Variants in RGS17 observed in about 807,000 individuals in gnomAD.
RGS17 encodes regulator of G-protein signaling 17.
Under a neutral mutation model 25.5 loss-of-function variants are expected in RGS17, and 12 were observed. The ratio of observed to expected loss-of-function variants is 0.47; its 90% CI spans 0.30 to 0.76. The LOEUF is 0.76. RGS17 is among the 30% of genes least tolerant of loss of function. The pLI is 0.07. For synonymous variants in RGS17, 71 were observed against 76.9 expected (o/e 0.92, Z 0.40); for missense variants, 196 against 242.2 (o/e 0.81, Z 1.27).
At chr6:153,079,900 T>C (rs1322060521) in intron 1 of RGS17, among the ~76,000 whole-genome samples, 1 of 152,204 alleles carries the variant, frequency 6.6e-6, no homozygotes, top group Non-Finnish European at 1.5e-5. Flanking sequence ...TAACCAGTTA[T>C]TTGGACCTTA....
At chr6:153,018,909 C>A (rs1487759067) in intron 4 of RGS17, among the ~76,000 whole-genome samples, 1 of 152,182 alleles carries the variant, frequency 6.6e-6, no homozygotes, top group Non-Finnish European at 1.5e-5. Flanking sequence ...GTGCTAAATT[C>A]ACATAATTTC....
At chr6:153,021,297 T>A (rs1328567983) in intron 4 of RGS17, among the ~76,000 whole-genome samples, 2 of 152,180 alleles carry the variant, frequency 1.3e-5, no homozygotes, top group Non-Finnish European at 2.9e-5. Context: ...ATGTGCTCTC[T>A]CCAATGTTAG....
At chr6:153,082,560 A>G (rs1449847174) in intron 1 of RGS17, among the ~76,000 whole-genome samples, 2 of 151,800 alleles carry the variant, frequency 1.3e-5, no homozygotes. Flanking sequence ...TATATCTGCC[A>G]TTTTCCTTCT....
chr6:153,029,729 T>TTTA, intron 2 of RGS17, among the ~76,000 whole-genome samples: 1 of 152,144 alleles, frequency 6.6e-6, no homozygotes, highest in Non-Finnish European at 1.5e-5. Flanking sequence ...TAGCTGGGAT[T>TTTA]ACAGGCACCC....
Position 153,053,331 on chromosome 6 carries a change from A to G in RGS17, c.-25-9288T>C, listed in dbSNP as rs562402768. On this transcript the variant is annotated intron_variant, in intron 1 of 4. Transcript: ENST00000206262. ...AAGCATACAAAACAAACAATAATACATATCTTTTCTGGAGAATATGTGTAA... is the reference window on the plus strand; with the variant it reads ...AAGCATACAAAACAAACAATAATACGTATCTTTTCTGGAGAATATGTGTAA... 3.9e-5 allele frequency among the ~76,000 whole-genome samples: 6 copies of G among 152,308 alleles called. No individual in the cohort carries two copies. In the East Asian group the frequency reaches 1.2e-3, roughly 29 times the overall value.
At chr6:153,053,933 ATG>A (rs1422891330) in intron 1 of RGS17, among the ~76,000 whole-genome samples, 1 of 61,484 alleles carries the variant, frequency 1.6e-5, no homozygotes, top group Non-Finnish European at 2.6e-5. Context: ...ATGTATATAT[ATG>A]TATATATAAT....
chr6:153,123,491 T>G (rs1191090391), intron 1 of RGS17, among the ~76,000 whole-genome samples: 1 of 152,210 alleles, frequency 6.6e-6, no homozygotes, highest in East Asian at 1.9e-4. Flanking sequence ...GTCTTCACTC[T>G]GATCTTATAA....
intron 1 of RGS17, among the ~76,000 whole-genome samples, chr6:153,113,807 A>G (rs189137254): frequency 1.9e-3 from 297 of 152,330 alleles, no homozygotes; most frequent in Middle Eastern, 0.014. Flanking sequence ...ATGGAAACTG[A>G]ACAACCTGCT....
chr6:153,086,420 C>G (rs144753362), intron 1 of RGS17, among the ~76,000 whole-genome samples: 40 of 152,242 alleles, frequency 2.6e-4, no homozygotes, highest in Non-Finnish European at 4.0e-4. Context: ...GTAAGTTATG[C>G]TGAAAAGAAA....
chr6:153,088,716 G>A (rs182376916), intron 1 of RGS17, among the ~76,000 whole-genome samples: 61 of 152,048 alleles, frequency 4.0e-4, no homozygotes, highest in Admixed American at 2.0e-3. Flanking sequence ...TTCCTTATTT[G>A]CCCAAGTGCA....
At chr6:153,036,559 G>A (rs1239609205) in intron 2 of RGS17, among the ~76,000 whole-genome samples, 3 of 152,028 alleles carry the variant, frequency 2.0e-5, no homozygotes, top group Admixed American at 6.6e-5. Flanking sequence ...TTTCATCCAC[G>A]CTTGTCTTGC....
intron 2 of RGS17, among the ~76,000 whole-genome samples, chr6:153,038,084 A>G (rs1023659909): frequency 6.6e-6 from 1 of 152,170 alleles, no homozygotes; most frequent in Non-Finnish European, 1.5e-5. Flanking sequence ...TGCCATGTAG[A>G]GTGAGTCAGC....
At chr6:153,091,571 G>A (rs1419287838) in intron 1 of RGS17, among the ~76,000 whole-genome samples, 1 of 151,584 alleles carries the variant, frequency 6.6e-6, no homozygotes, top group Non-Finnish European at 1.5e-5. Flanking sequence ...ATTGCACACA[G>A]GTGCAATCTT....
intron 1 of RGS17, among the ~76,000 whole-genome samples, chr6:153,060,340 G>A (rs957690289): frequency 3.3e-5 from 5 of 152,078 alleles, no homozygotes; most frequent in Non-Finnish European, 7.4e-5. Context: ...CACTGGACTC[G>A]GACATCCTAA....
chr6:153,095,112 A>C (rs1302757344), intron 1 of RGS17, among the ~76,000 whole-genome samples: 2 of 152,122 alleles, frequency 1.3e-5, no homozygotes, highest in African/African-American at 2.4e-5. Flanking sequence ...TTAAGAAAAT[A>C]ATTTGGGAAA....
chr6:153,014,590 A>G (rs1209580557), intron 4 of RGS17, among the ~76,000 whole-genome samples: 1 of 152,112 alleles, frequency 6.6e-6, no homozygotes, highest in Non-Finnish European at 1.5e-5. Flanking sequence ...CGAGGTTAGG[A>G]GATCGAGACC....
intron 1 of RGS17, among the ~76,000 whole-genome samples, chr6:153,089,680 C>T (rs925607802): frequency 6.2e-4 from 94 of 152,072 alleles, no homozygotes; most frequent in African/African-American, 2.2e-3. Flanking sequence ...TTTTTCTCTG[C>T]TATCACTGCA....
rs542820543 is a variant in RGS17 at position 153,042,241 on chromosome 6, A to T, written c.119+1659T>A. On this transcript the variant is annotated intron_variant, in intron 2 of 4. Coordinates refer to ENST00000206262, the MANE Select transcript of RGS17 (RefSeq NM_012419.5). ...CATCTTAAATTATTAAGGCTTAATA[A>T]TGAAAGGAAACAAATTATGTATATG... Among the ~76,000 whole-genome samples, 601 of 152,348 alleles carry T rather than the reference A, an allele frequency of 3.9e-3. 13 individuals are homozygous for T. The highest frequency in any genetic ancestry group is 0.028 in the Admixed American group (431 of 15,294).
chr6:153,012,949 T>C (rs1450705214), intron 4 of RGS17, among the ~76,000 whole-genome samples: 2 of 152,164 alleles, frequency 1.3e-5, no homozygotes, highest in Non-Finnish European at 2.9e-5. Context: ...TTTGGGTTGA[T>C]TGCTACACCC....
Sources: gnomAD v4.1 joint callset for allele counts (sites outside exome capture counted in the v4.1 genomes callset) on GRCh38, gnomAD v4.1.1 for gene constraint, MANE v1.5 for transcripts, NCBI Gene and HGNC (gene_info 2026-07-23, HGNC 2026-07-21) for gene names.